TRHDE: variants seen among roughly 807,000 people sequenced by gnomAD.
TRHDE encodes thyrotropin-releasing hormone-degrading ectoenzyme.
TRHDE carries 72 observed loss-of-function variants against 125.7 expected under a neutral mutation model. The observed-to-expected ratio is 0.57, with a 90% confidence interval of 0.47 to 0.70. TRHDE has a LOEUF of 0.70. Among genes scored for constraint, TRHDE ranks in the 30% least tolerant of loss-of-function variants. TRHDE has a pLI of 0.00. For missense variants in TRHDE, 1,110 were observed against 1,327.1 expected (o/e 0.84, Z 2.54); for synonymous variants, 509 against 509.1 (o/e 1.00, Z 0.00).
chr12:72,231,982 T>C (rs935239048), intron 2 of TRHDE, among the ~76,000 whole-genome samples: 1 of 152,184 alleles, frequency 6.6e-6, no homozygotes, highest in African/African-American at 2.4e-5. Flanking sequence ...AGGAATAAAA[T>C]GAATTTGTAA....
intron 2 of TRHDE, among the ~76,000 whole-genome samples, chr12:72,160,447 G>T (rs954301446): frequency 6.6e-6 from 1 of 152,170 alleles, no homozygotes; most frequent in African/African-American, 2.4e-5. Context: ...CACTTCGGGA[G>T]GCCAAGGCGC....
At chr12:72,118,545 C>T (rs1339930691) in intron 2 of TRHDE, among the ~76,000 whole-genome samples, 2 of 152,094 alleles carry the variant, frequency 1.3e-5, no homozygotes, top group African/African-American at 4.8e-5. Context: ...TTTTTGGTAT[C>T]AGGGTAATAC....
chr12:72,614,340 TC>T, intron 12 of TRHDE, among the ~76,000 whole-genome samples: 1 of 78,546 alleles, frequency 1.3e-5, no homozygotes, highest in Non-Finnish European at 2.2e-5. Context: ...ATTTTTTTTT[TC>T]TCTAGAAACT....
chr12:72,612,701 A>G (rs1203876049), intron 12 of TRHDE, among the ~76,000 whole-genome samples: 2 of 152,252 alleles, frequency 1.3e-5, no homozygotes, highest in Non-Finnish European at 2.9e-5. Flanking sequence ...TAACTGGTAT[A>G]CATTAAGTCC....
At chr12:72,515,516 C>G (rs373654899) in intron 6 of TRHDE, among the ~76,000 whole-genome samples, 11 of 151,994 alleles carry the variant, frequency 7.2e-5, no homozygotes, top group African/African-American at 2.2e-4. Context: ...ATTTGTTTGA[C>G]TTCATTGTAG....
chr12:72,354,777 G>C (rs1312633606), intron 2 of TRHDE, among the ~76,000 whole-genome samples: 1 of 150,272 alleles, frequency 6.7e-6, no homozygotes, highest in Non-Finnish European at 1.5e-5. Context: ...GGTTATCTCT[G>C]TGTGTGTGTA....
At chr12:72,498,967 G>GTA (rs1878031402) in intron 5 of TRHDE, among the ~76,000 whole-genome samples, 1 of 146,874 alleles carries the variant, frequency 6.8e-6, no homozygotes, top group Non-Finnish European at 1.5e-5. Flanking sequence ...AAATAAATGT[G>GTA]TGTGTGTGTG....
intron 1 of TRHDE, among the ~76,000 whole-genome samples, chr12:72,277,236 C>A (rs567530318): frequency 1.3e-5 from 2 of 152,096 alleles, no homozygotes; most frequent in East Asian, 3.9e-4. Context: ...GAATTGGGAC[C>A]ATCCTTTTGC....
chr12:72,614,433 A>G (rs1444310257), intron 12 of TRHDE, among the ~76,000 whole-genome samples: 2 of 149,926 alleles, frequency 1.3e-5, no homozygotes, highest in Admixed American at 1.3e-4. Context: ...GACTATTGGG[A>G]TTTCCAATCT....
chr12:72,375,448 TCTTTTGTCTG>T (rs1871834737), intron 2 of TRHDE, among the ~76,000 whole-genome samples: 1 of 152,210 alleles, frequency 6.6e-6, no homozygotes, highest in Admixed American at 6.5e-5. Context: ...TAATTGTGTT[TCTTTTGTCTG>T]GGTGTACAGA....
intron 3 of TRHDE, among the ~76,000 whole-genome samples, chr12:72,423,872 G>A (rs1874072299): frequency 6.6e-6 from 1 of 152,074 alleles, no homozygotes; most frequent in Non-Finnish European, 1.5e-5. Flanking sequence ...TGTCATGTGA[G>A]AGGCAATAGA....
chr12:72,564,801 G>T (rs1338585322), intron 9 of TRHDE, among the ~76,000 whole-genome samples: 1 of 131,834 alleles, frequency 7.6e-6, no homozygotes, highest in Non-Finnish European at 1.5e-5. Flanking sequence ...CGGAGTAGCT[G>T]GGACTAAAGG....
At position 72,479,641 on chromosome 12, in the gene TRHDE, T is replaced by C. The variant is rs993653156; in HGVS notation, c.1584+6461T>C. Among the ~76,000 whole-genome samples, 60 of 94,544 alleles carry C rather than the reference T, an allele frequency of 6.3e-4. 1 individual carries two copies. The highest frequency in any genetic ancestry group is 2.4e-3 in the African/African-American group (59 of 24,990). The allele number at this position is 94,544 out of a possible 152,430, so 62.0% of individuals were successfully genotyped here. On this transcript the variant is annotated intron_variant, in intron 5 of 18. Transcript: ENST00000261180. ...AATTATACATGTTTTTAAAGGATTT[T>C]TTTTTGTTTTTTTTTAATTTTTATT...
rs180672966 is a variant in TRHDE at position 72,156,471 on chromosome 12, C to T, written n.279+50719C>T. On this transcript the variant is annotated intron_variant and non_coding_transcript_variant, in intron 2 of 4. Transcript: ENST00000548156. ...CTCAGCTGGAAATGCAGAAATCACC[C>T]GTCTTCTGCGTCACTCATGCTGGGA... Among the ~76,000 whole-genome samples, 9 of 152,158 alleles carry T rather than the reference C, an allele frequency of 5.9e-5. No individual in the cohort carries two copies. The East Asian group carries it at 7.7e-4, about 13-fold the overall frequency.
intron 6 of TRHDE, among the ~76,000 whole-genome samples, chr12:72,532,469 G>T (rs1408520775): frequency 2.0e-5 from 3 of 151,114 alleles, no homozygotes; most frequent in East Asian, 3.9e-4. Flanking sequence ...TATTAGTAGA[G>T]TGAATTCTTA....
intron 2 of TRHDE, among the ~76,000 whole-genome samples, chr12:72,142,828 C>T (rs1458158947): frequency 6.6e-6 from 1 of 152,018 alleles, no homozygotes; most frequent in African/African-American, 2.4e-5. Context: ...AGTCCGGCTG[C>T]TGGGCGGCCA....
chr12:72,430,321 G>GTATATATATGTATATATACATA (rs1325464830), intron 3 of TRHDE, among the ~76,000 whole-genome samples: 9 of 143,432 alleles, frequency 6.3e-5, no homozygotes, highest in African/African-American at 1.0e-4. Context: ...ATATATACAT[G>GTATATATATGTATATATACATA]TATACATATA....
rs1273960252 is a variant in TRHDE, at chr12:72,663,748, A to C, written c.*553A>C. 3 of 152,520 alleles carry C rather than the reference A, an allele frequency of 2.0e-5. No individual in the cohort carries two copies. The highest frequency in any genetic ancestry group is 4.8e-5 in the African/African-American group (2 of 41,450). The allele number at this position is 152,520 out of a possible 1,614,324, so 9.4% of individuals were successfully genotyped here. On this transcript the variant is annotated 3_prime_UTR_variant, in exon 19 of 19. Coordinates refer to ENST00000261180, the MANE Select transcript of TRHDE (RefSeq NM_013381.3). The stretch of plus-strand genomic sequence containing the variant: ...TGTGAGAGGTAAAATAGCCCTTGAC[A>C]TGATGAACATCACTTATTTCAGCAC...
Position 72,652,497 on chromosome 12 carries a change from G to A in TRHDE, c.2843+8G>A, listed in dbSNP as rs773326647. Reference sequence around the variant, plus strand: ...CAGGAATTTATTAAACAGGTAGGCCGACTGATTTTCTAAATGTGTTTCTCT... The same window carrying A: ...CAGGAATTTATTAAACAGGTAGGCCAACTGATTTTCTAAATGTGTTTCTCT... On this transcript the variant is annotated splice_region_variant and intron_variant, in intron 16 of 18. Transcript: ENST00000261180. The A allele has an allele frequency of 6.4e-6, 10 of 1,573,154 alleles. No homozygotes were observed. Among genetic ancestry groups the A allele is most frequent in the South Asian group, 1.2e-5 (1 of 85,768 alleles).
Sources: allele counts gnomAD v4.1 joint callset (sites outside exome capture counted in the v4.1 genomes callset), GRCh38; gene constraint gnomAD v4.1.1; transcripts MANE v1.5; gene names NCBI Gene and HGNC (gene_info 2026-07-23, HGNC 2026-07-21).